Variants in LAMA1 observed in about 807,000 individuals in gnomAD.
LAMA1 encodes laminin subunit alpha 1.
Under a neutral mutation model 348.7 loss-of-function variants are expected in LAMA1, and 219 were observed. The ratio of observed to expected loss-of-function variants is 0.63; its 90% CI spans 0.56 to 0.70. LAMA1 has a LOEUF of 0.70. Among genes scored for constraint, LAMA1 ranks in the 30% least tolerant of loss-of-function variants. LAMA1 has a pLI of 0.00. For synonymous variants in LAMA1, 1,487 were observed against 1,491.0 expected, an observed-to-expected ratio of 1.00 and a Z score of 0.06; for missense variants, 3,744 against 3,888.0, an observed-to-expected ratio of 0.96 and a Z score of 0.99.
chr18:7,007,418 A>T, intron 28 of LAMA1, 142 bp from the exon 29 acceptor site: 1 of 781,748 alleles, frequency 1.3e-6, no homozygotes, highest in Non-Finnish European at 2.0e-6. Context: ...GAGAAATGCA[A>T]ATGAAAAAAC....
intron 14 of LAMA1, among the ~76,000 whole-genome samples, chr18:7,034,110 G>C (rs534133768): frequency 1.3e-5 from 2 of 152,284 alleles, no homozygotes; most frequent in Admixed American, 6.5e-5. Flanking sequence ...AATGACCAAC[G>C]ATGGATACGT....
intron 1 of LAMA1, among the ~76,000 whole-genome samples, chr18:7,107,211 C>G (rs935033294): frequency 6.6e-6 from 1 of 151,204 alleles, no homozygotes; most frequent in Non-Finnish European, 1.5e-5. Context: ...CTCCGCCTGC[C>G]GGGTTCACGC....
chr18:6,998,308 G>A (rs933517966), intron 32 of LAMA1, among the ~76,000 whole-genome samples: 1 of 152,178 alleles, frequency 6.6e-6, no homozygotes, highest in Non-Finnish European at 1.5e-5. Context: ...TGTAATGAAA[G>A]GCGAGGAAGG....
intron 61 of LAMA1, among the ~76,000 whole-genome samples, chr18:6,943,613 C>A (rs1397158177): frequency 2.6e-5 from 4 of 151,964 alleles, no homozygotes; most frequent in Non-Finnish European, 2.9e-5. Context: ...TTTTAGGAGG[C>A]CGAGGCAGGC....
chr18:6,946,317 A>C (rs2057521196), intron 61 of LAMA1, among the ~76,000 whole-genome samples: 1 of 152,096 alleles, frequency 6.6e-6, no homozygotes, highest in Admixed American at 6.5e-5. Flanking sequence ...GCAAAACAGA[A>C]ATTAGAGGGA....
intron 16 of LAMA1, among the ~76,000 whole-genome samples, chr18:7,031,054 C>T (rs1303371912): frequency 6.6e-6 from 1 of 152,162 alleles, no homozygotes; most frequent in African/African-American, 2.4e-5. Context: ...GTTTTACTTA[C>T]AGAATAAAGA....
chr18:6,980,118 C>A (rs572055747), intron 42 of LAMA1, among the ~76,000 whole-genome samples: 1 of 152,154 alleles, frequency 6.6e-6, no homozygotes, highest in Admixed American at 6.5e-5. Context: ...GATGGCCAAG[C>A]GAGCAGTCTT....
chr18:6,975,894 G>A (rs757953210), intron 45 of LAMA1, 43 bp downstream of exon 45: 11 of 1,611,724 alleles, frequency 6.8e-6, no homozygotes, highest in South Asian at 6.6e-5. Flanking sequence ...ATCTAGAAGT[G>A]CATAAAAGAT....
At chr18:6,986,677 C>T (rs16950967) in intron 36 of LAMA1, among the ~76,000 whole-genome samples, 21,749 of 151,860 alleles carry the variant, frequency 0.14, 1,572 homozygotes, top group South Asian at 0.16. Context: ...TTTACAGGCA[C>T]GGTGATCTTT....
chr18:7,045,932 T>C (rs564677644), intron 6 of LAMA1, among the ~76,000 whole-genome samples: 15 of 151,322 alleles, frequency 9.9e-5, no homozygotes, highest in African/African-American at 3.6e-4. Flanking sequence ...CTAAAAAATA[T>C]AAACATAATT....
rs1488372879 is a variant in LAMA1 at position 7,003,282 on chromosome 18, G to A, written c.4261-897C>T. The stretch of plus-strand genomic sequence containing the variant: ...TTTTTTTTTTTTGAGACAGAGTCTC[G>A]CTCTGTCACCCAGGCCAGAGTGCAG... On this transcript the variant is annotated intron_variant, in intron 29 of 62. Transcript: ENST00000389658. 3.4e-5 allele frequency among the ~76,000 whole-genome samples: 5 copies of A among 145,840 alleles called. No individual in the cohort carries two copies. The East Asian group carries it at 6.1e-4, about 18-fold the overall frequency.
intron 1 of LAMA1, among the ~76,000 whole-genome samples, chr18:7,088,666 G>A (rs2058227326): frequency 6.6e-6 from 1 of 151,922 alleles, no homozygotes; most frequent in South Asian, 2.1e-4. Context: ...TAGGGTGCAT[G>A]CCACCATGCC....
At chr18:6,978,486 A>G (rs929069819) in intron 42 of LAMA1, 108 bp from the exon 43 acceptor site, 3 of 1,072,188 alleles carry the variant, frequency 2.8e-6, no homozygotes, top group Middle Eastern at 2.4e-4. Flanking sequence ...TTGTCATATT[A>G]CTGATGCTGA....
rs1471732797 is a variant in LAMA1, at chr18:6,988,150, A to AT, written c.5169-1804dup. Among the ~76,000 whole-genome samples, 32 of 152,180 alleles carry AT rather than the reference A, an allele frequency of 2.1e-4. No homozygotes were observed. The East Asian group carries it at 5.6e-3, about 27-fold the overall frequency. ...AAAGAAAGCTCAAAACAGAGGCCAA[A>AT]TTTTCATCTACAAGATGACTCTTCT... On this transcript the variant is annotated intron_variant, in intron 36 of 62. Transcript: ENST00000389658.
intron 33 of LAMA1, among the ~76,000 whole-genome samples, chr18:6,996,445 A>G (rs1173547445): frequency 6.6e-6 from 1 of 152,206 alleles, no homozygotes. Flanking sequence ...GCATATATAA[A>G]GCAAAATTTA....
intron 29 of LAMA1, among the ~76,000 whole-genome samples, chr18:7,003,383 C>T (rs966776517): frequency 6.6e-6 from 1 of 151,662 alleles, no homozygotes; most frequent in African/African-American, 2.4e-5. Flanking sequence ...CCCGAGTAGC[C>T]GGGACTACAG....
At position 6,996,604 on chromosome 18, in the gene LAMA1, C is replaced by T. The variant is rs149393895; in HGVS notation, c.4806+1138G>A. Among the ~76,000 whole-genome samples the T allele has an allele frequency of 3.4e-3, 522 of 151,994 alleles. 4 individuals carry two copies. The highest frequency in any genetic ancestry group is 0.012 in the African/African-American group (499 of 41,444). On this transcript the variant is annotated intron_variant, in intron 33 of 62. Coordinates refer to ENST00000389658, the MANE Select transcript of LAMA1 (RefSeq NM_005559.4). ...CCTGCACAACATAGTGAGAGCTCAT[C>T]TCTATTAAAAATAAAAATAAAAGAA...
At position 6,948,431 on chromosome 18, in the gene LAMA1, G is replaced by A. The variant is rs2057531759; in HGVS notation, c.8682C>T (p.Tyr2894=). The change falls in exon 60 of 63, where the codon TAC becomes TAT. Residue 2894 remains tyrosine (Y), a synonymous_variant. Transcript: ENST00000389658. The part of the protein sequence containing the change: ...RCYAVAQEGT[Y]FDGSGYAALV... ...GAGCTGCATATCCGCTTCCGTCAAA[G>A]TATGTTCCTTCCTGGGCCACTGCGT... 1 of 1,614,090 alleles carries A rather than the reference G, an allele frequency of 6.2e-7. No homozygotes were observed. Among genetic ancestry groups the A allele is most frequent in the Admixed American group, 1.7e-5 (1 of 60,008 alleles).
chr18:6,985,189 G>C lies in LAMA1; in HGVS notation c.5660+48C>G, dbSNP rs377292688. 4 of 1,605,500 alleles carry C rather than the reference G, an allele frequency of 2.5e-6. No homozygotes were observed. The South Asian group carries it at 3.3e-5, about 13-fold the overall frequency. On this transcript the variant is annotated intron_variant, in intron 39 of 62. Transcript: ENST00000389658. Reference sequence around the variant, plus strand: ...AATAGAAACATCCATCTATTTCTCCGATCAATAGACTGCAAGCTCTTGAGT... The same window carrying C: ...AATAGAAACATCCATCTATTTCTCCCATCAATAGACTGCAAGCTCTTGAGT...
Sources: allele counts gnomAD v4.1 joint callset (sites outside exome capture counted in the v4.1 genomes callset), GRCh38; gene constraint gnomAD v4.1.1; transcripts MANE v1.5; gene names NCBI Gene and HGNC (gene_info 2026-07-23, HGNC 2026-07-21).